TENM4: variants seen among roughly 807,000 people sequenced by gnomAD.
TENM4 encodes the protein teneurin transmembrane protein 4.
Under a neutral mutation model 243.3 loss-of-function variants are expected in TENM4, and 82 were observed. The observed-to-expected ratio is 0.34, with a 90% CI of 0.28 to 0.40. TENM4 has a LOEUF of 0.40. Ranked by LOEUF, TENM4 falls within the 10% of genes least tolerant of loss-of-function variation. The probability of loss-of-function intolerance (pLI) is 1.00; values close to 1 mark genes in which losing one functional copy is unlikely to be tolerated. For synonymous variants in TENM4, 1,412 were observed against 1,456.3 expected (o/e 0.97, Z 0.69); for missense variants, 3,138 against 3,673.3 (o/e 0.85, Z 3.77).
At chr11:79,124,647 G>A (rs746073410) in intron 4 of TENM4, among the ~76,000 whole-genome samples, 759 of 31,916 alleles carry the variant, frequency 0.024, 3 homozygotes, top group Non-Finnish European at 0.057. Context: ...ATATATATAT[G>A]TGTGTGTGTG....
chr11:79,108,277 A>G (rs1214368826), intron 4 of TENM4, among the ~76,000 whole-genome samples: 4 of 152,192 alleles, frequency 2.6e-5, no homozygotes, highest in African/African-American at 9.7e-5. Context: ...TGATAATACG[A>G]GTGGCCTCAT....
intron 32 of TENM4, among the ~76,000 whole-genome samples, chr11:78,666,597 T>A (rs1858164321): frequency 6.6e-6 from 1 of 152,230 alleles, no homozygotes; most frequent in Admixed American, 6.5e-5. Context: ...TGCCCCTTGA[T>A]GGTTGGTTGC....
At chr11:79,312,389 C>A (rs929890659) in intron 1 of TENM4, among the ~76,000 whole-genome samples, 2 of 152,194 alleles carry the variant, frequency 1.3e-5, no homozygotes, top group African/African-American at 4.8e-5. Context: ...TTACTATGTA[C>A]CAGGCATTAT....
intron 1 of TENM4, among the ~76,000 whole-genome samples, chr11:79,412,431 AC>A (rs1858720908): frequency 6.6e-6 from 1 of 151,972 alleles, no homozygotes; most frequent in African/African-American, 2.4e-5. Context: ...GGAACACCCA[AC>A]CCCATTCCAC....
chr11:79,144,032 A>T (rs1053440227), intron 4 of TENM4, among the ~76,000 whole-genome samples: 1 of 152,092 alleles, frequency 6.6e-6, no homozygotes, highest in Admixed American at 6.6e-5. Context: ...AATGGGAGAA[A>T]ATGTTTACCA....
At chr11:79,068,694 C>T (rs908931380) in intron 5 of TENM4, among the ~76,000 whole-genome samples, 3 of 152,156 alleles carry the variant, frequency 2.0e-5, no homozygotes, top group Non-Finnish European at 1.5e-5. Flanking sequence ...AGGCATTGGT[C>T]ATGACCCAAC....
chr11:78,885,591 G>C (rs776275750), intron 9 of TENM4, among the ~76,000 whole-genome samples: 7 of 152,178 alleles, frequency 4.6e-5, no homozygotes, highest in Non-Finnish European at 1.0e-4. Context: ...AATGTCCCTG[G>C]TGGCACAAGT....
At chr11:79,145,913 C>T (rs1447552610) in intron 4 of TENM4, among the ~76,000 whole-genome samples, 1 of 152,022 alleles carries the variant, frequency 6.6e-6, no homozygotes, top group Non-Finnish European at 1.5e-5. Context: ...ATTTGGACAT[C>T]TTCTTTTATG....
chr11:79,294,987 A>G (rs1332288615), intron 2 of TENM4, among the ~76,000 whole-genome samples: 10 of 152,086 alleles, frequency 6.6e-5, no homozygotes, highest in Non-Finnish European at 1.2e-4. Context: ...CCCTCTGCAC[A>G]CTCATCCCTG....
At chr11:78,909,916 T>A (rs1856147728) in intron 6 of TENM4, among the ~76,000 whole-genome samples, 1 of 152,010 alleles carries the variant, frequency 6.6e-6, no homozygotes, top group Non-Finnish European at 1.5e-5. Flanking sequence ...GGGGGTCACA[T>A]TAGTATGTGA....
intron 6 of TENM4, among the ~76,000 whole-genome samples, chr11:79,046,628 A>T (rs1251631075): frequency 6.6e-6 from 1 of 152,220 alleles, no homozygotes; most frequent in Non-Finnish European, 1.5e-5. Flanking sequence ...AGGCAGCACC[A>T]TGCAGGGAGA....
chr11:79,067,802 G>C (rs1221116003), intron 5 of TENM4: 2 of 152,098 alleles, frequency 1.3e-5, no homozygotes, highest in South Asian at 4.2e-4. Context: ...CTGAGGCCCG[G>C]GGCATGAGTT....
intron 1 of TENM4, among the ~76,000 whole-genome samples, chr11:79,330,937 T>C (rs1857051799): frequency 6.6e-6 from 1 of 152,088 alleles, no homozygotes; most frequent in South Asian, 2.1e-4. Flanking sequence ...ATGTCGGCCA[T>C]CCCTGCCTCA....
At chr11:78,705,304 A>G (rs187252192) in intron 27 of TENM4, among the ~76,000 whole-genome samples, 279 of 152,266 alleles carry the variant, frequency 1.8e-3, no homozygotes, top group Admixed American at 3.0e-3. Flanking sequence ...AGGAGAGGAA[A>G]GAGAGGAAGG....
intron 1 of TENM4, among the ~76,000 whole-genome samples, chr11:79,327,539 A>G (rs1856993533): frequency 6.6e-6 from 1 of 152,114 alleles, no homozygotes; most frequent in Non-Finnish European, 1.5e-5. Context: ...ACAGTGACTT[A>G]AGTTTCATTA....
At chr11:78,790,300 C>T (rs1379537305) in intron 15 of TENM4, among the ~76,000 whole-genome samples, 1 of 152,224 alleles carries the variant, frequency 6.6e-6, no homozygotes, top group Non-Finnish European at 1.5e-5. Context: ...TATGGCTTTA[C>T]CACTTACTGG....
intron 29 of TENM4, 60 bp downstream of exon 29, chr11:78,687,994 C>A: frequency 6.4e-7 from 1 of 1,569,452 alleles, no homozygotes; most frequent in Non-Finnish European, 8.7e-7. Flanking sequence ...GTGCCATCCT[C>A]CTCCAAAGGG....
At chr11:79,127,194 G>A (rs1205172030) in intron 4 of TENM4, among the ~76,000 whole-genome samples, 1 of 152,194 alleles carries the variant, frequency 6.6e-6, no homozygotes, top group Non-Finnish European at 1.5e-5. Context: ...AGGCCAAATG[G>A]AAGCCATTAG....
intron 9 of TENM4, among the ~76,000 whole-genome samples, chr11:78,878,882 G>T (rs948196526): frequency 1.3e-5 from 2 of 152,224 alleles, no homozygotes; most frequent in African/African-American, 4.8e-5. Context: ...TAATGCCAAA[G>T]AACTGGAAAC....
Sources: allele counts gnomAD v4.1 joint callset (sites outside exome capture counted in the v4.1 genomes callset), GRCh38; gene constraint gnomAD v4.1.1; transcripts MANE v1.5; gene names NCBI Gene and HGNC (gene_info 2026-07-23, HGNC 2026-07-21).